Variants in PLCL1 observed in about 807,000 individuals in gnomAD.
The protein encoded by PLCL1 is phospholipase C like 1 (inactive), also known as inactive phospholipase C-like protein 1.
A neutral mutation model predicts 84.4 loss-of-function variants in PLCL1; 41 were observed. The observed-to-expected ratio is 0.49, with a 90% CI of 0.38 to 0.63. PLCL1 has a LOEUF of 0.63. Ranked by LOEUF, PLCL1 falls within the 30% of genes least tolerant of loss-of-function variation. The probability of loss-of-function intolerance (pLI) is 0.00; values close to 1 mark genes in which losing one functional copy is unlikely to be tolerated. For missense variants in PLCL1, 1,206 were observed against 1,367.8 expected, an observed-to-expected ratio of 0.88 and a Z score of 1.87; for synonymous variants, 490 against 488.3, an observed-to-expected ratio of 1.00 and a Z score of -0.05.
At chr2:198,113,802 T>C (rs376720289) in intron 5 of PLCL1, among the ~76,000 whole-genome samples, 3 of 152,048 alleles carry the variant, frequency 2.0e-5, no homozygotes, top group Admixed American at 1.3e-4. Context: ...ATTAGCATTA[T>C]GGCTAATTTG....
chr2:197,866,561 G>T (rs1687549624), intron 1 of PLCL1, among the ~76,000 whole-genome samples: 1 of 152,010 alleles, frequency 6.6e-6, no homozygotes, highest in Non-Finnish European at 1.5e-5. Context: ...ATTTGCCCAT[G>T]GACAGCAGTT....
At chr2:198,145,073 G>A (rs1694486422) in intron 5 of PLCL1, among the ~76,000 whole-genome samples, 1 of 152,160 alleles carries the variant, frequency 6.6e-6, no homozygotes, top group South Asian at 2.1e-4. Context: ...GAATGAACAT[G>A]TATAAAGCAC....
chr2:198,143,192 G>A (rs1488816754), intron 5 of PLCL1, among the ~76,000 whole-genome samples: 1 of 152,034 alleles, frequency 6.6e-6, no homozygotes, highest in East Asian at 1.9e-4. Context: ...TGGTTTTTGG[G>A]ATGAAACTGG....
chr2:197,850,452 G>GGT, intron 1 of PLCL1, among the ~76,000 whole-genome samples: 1 of 152,074 alleles, frequency 6.6e-6, no homozygotes, highest in African/African-American at 2.4e-5. Flanking sequence ...TGATAAATAT[G>GGT]GTGTGTGTGT....
intron 1 of PLCL1, among the ~76,000 whole-genome samples, chr2:197,834,694 G>A (rs990271667): frequency 1.3e-5 from 2 of 152,226 alleles, no homozygotes; most frequent in African/African-American, 4.8e-5. Flanking sequence ...CTTGTACACT[G>A]TTGGTGGGAG....
chr2:197,984,292 C>T (rs1690175666), intron 1 of PLCL1, among the ~76,000 whole-genome samples: 2 of 152,188 alleles, frequency 1.3e-5, no homozygotes, highest in Non-Finnish European at 2.9e-5. Context: ...TTTCATTTAT[C>T]TCTCATGGTA....
intron 5 of PLCL1, among the ~76,000 whole-genome samples, chr2:198,105,601 GGTGTGTGTGTGTGT>G (rs72103336): frequency 7.0e-6 from 1 of 143,720 alleles, no homozygotes; most frequent in Non-Finnish European, 1.5e-5. Flanking sequence ...TAATTTGCCT[GGTGTGTGTGTGTGT>G]GTGTGTGTGT....
At chr2:197,862,725 C>T (rs1350278801) in intron 1 of PLCL1, among the ~76,000 whole-genome samples, 1 of 152,044 alleles carries the variant, frequency 6.6e-6, no homozygotes, top group Non-Finnish European at 1.5e-5. Context: ...AGGAAAATGC[C>T]TGAGATTAGA....
chr2:197,831,024 A>G (rs1042373144), intron 1 of PLCL1, among the ~76,000 whole-genome samples: 8 of 152,230 alleles, frequency 5.3e-5, no homozygotes, highest in Non-Finnish European at 1.0e-4. Context: ...GAAGCAGTAA[A>G]TACGGAAAGG....
At chr2:198,037,506 A>T (rs962210) in intron 1 of PLCL1, among the ~76,000 whole-genome samples, 74,673 of 151,986 alleles carry the variant, frequency 0.49, 18,784 homozygotes, top group Middle Eastern at 0.64. Flanking sequence ...GAAATTAGTT[A>T]TTCCTGGGAA....
In PLCL1 at chr2:198,093,464, A is replaced by G. The variant is rs939344931; in HGVS notation, c.2919+4403A>G. Among the ~76,000 whole-genome samples, 2 of 152,192 alleles carry G rather than the reference A, an allele frequency of 1.3e-5. 1 individual carries two copies. The highest frequency in any genetic ancestry group is 3.8e-4 in the East Asian group (2 of 5,202). ...AACTTGAAACTTCTCGTAAAAATACAGTCTAACCACCCCCCCAACCTACCA... is the reference window on the plus strand; with the variant it reads ...AACTTGAAACTTCTCGTAAAAATACGGTCTAACCACCCCCCCAACCTACCA... On this transcript the variant is annotated intron_variant, in intron 3 of 5. Transcript: ENST00000428675.
At chr2:197,852,563 A>G (rs916128346) in intron 1 of PLCL1, among the ~76,000 whole-genome samples, 4 of 152,196 alleles carry the variant, frequency 2.6e-5, no homozygotes, top group African/African-American at 7.2e-5. Context: ...TTAATATATC[A>G]TATTGCTTCT....
chr2:197,987,354 G>C (rs1278939415), intron 1 of PLCL1, among the ~76,000 whole-genome samples: 1 of 152,154 alleles, frequency 6.6e-6, no homozygotes, highest in East Asian at 1.9e-4. Flanking sequence ...AGTCAGATCT[G>C]GCCACACTGT....
chr2:197,968,594 C>G (rs1689795873), intron 1 of PLCL1, among the ~76,000 whole-genome samples: 1 of 152,172 alleles, frequency 6.6e-6, no homozygotes, highest in African/African-American at 2.4e-5. Context: ...TACCATGGTG[C>G]TAACTTAATT....
intron 1 of PLCL1, among the ~76,000 whole-genome samples, chr2:197,860,086 CT>C (rs1313972382): frequency 6.6e-6 from 1 of 152,098 alleles, no homozygotes; most frequent in Non-Finnish European, 1.5e-5. Flanking sequence ...TCCATGTGTT[CT>C]CATCATTTAG....
intron 1 of PLCL1, among the ~76,000 whole-genome samples, chr2:197,915,932 T>C (rs1485439217): frequency 2.0e-5 from 3 of 152,164 alleles, no homozygotes; most frequent in Non-Finnish European, 4.4e-5. Flanking sequence ...ATAGGAGAAA[T>C]AGCTAAGTTA....
chr2:197,857,771 C>A (rs746882092), intron 1 of PLCL1, among the ~76,000 whole-genome samples: 15 of 151,774 alleles, frequency 9.9e-5, no homozygotes, highest in Non-Finnish European at 1.8e-4. Flanking sequence ...AAACTTGATA[C>A]AAATAGAATG....
chr2:198,025,824 A>G (rs1475399914), intron 1 of PLCL1, among the ~76,000 whole-genome samples: 1 of 152,148 alleles, frequency 6.6e-6, no homozygotes, highest in Non-Finnish European at 1.5e-5. Flanking sequence ...GATAACAATC[A>G]CTTAGGACTT....
intron 1 of PLCL1, among the ~76,000 whole-genome samples, chr2:197,843,100 G>T (rs147300478): frequency 6.6e-6 from 1 of 152,120 alleles, no homozygotes; most frequent in East Asian, 1.9e-4. Flanking sequence ...TTACACCAGG[G>T]ATGGCAAATA....
Sources: gnomAD v4.1 joint callset for allele counts (sites outside exome capture counted in the v4.1 genomes callset) on GRCh38, gnomAD v4.1.1 for gene constraint, MANE v1.5 for transcripts, NCBI Gene and HGNC (gene_info 2026-07-23, HGNC 2026-07-21) for gene names.